Variants in ZBTB20 observed in about 807,000 individuals in gnomAD.
ZBTB20 encodes the protein zinc finger and BTB domain containing 20, also known as zinc finger and BTB domain-containing protein 20.
A neutral mutation model predicts 56.9 loss-of-function variants in ZBTB20; 9 were observed. That is an observed-to-expected ratio of 0.16 (90% CI 0.10 to 0.28). The LOEUF is 0.28. Among genes scored for constraint, ZBTB20 ranks in the 10% least tolerant of loss-of-function variants. The pLI is 1.00. For missense variants in ZBTB20, 655 were observed against 1,003.0 expected (o/e 0.65, Z 4.69); for synonymous variants, 417 against 420.7 (o/e 0.99, Z 0.11).
rs1014284083 is a variant in ZBTB20, at chr3:114,325,156, A to G, written c.*13849T>C. 4.6e-5 allele frequency: 7 copies of G among 152,152 alleles called. No homozygotes were observed. Among genetic ancestry groups the G allele is most frequent in the Non-Finnish European group, 1.0e-4 (7 of 68,024 alleles). The allele number at this position is 152,152 out of a possible 1,614,324, so 9.4% of individuals were successfully genotyped here. A position where few individuals can be genotyped will look rare whatever the true frequency, so the allele number is the denominator to read the frequency against. Reference sequence around the variant, plus strand: ...AACAATTTTAATTAGATATATGCAAATTACCCTTAATTTATATCTCAATAG... The same window carrying G: ...AACAATTTTAATTAGATATATGCAAGTTACCCTTAATTTATATCTCAATAG... On this transcript the variant is annotated 3_prime_UTR_variant, in exon 12 of 12. Transcript: ENST00000675478.
At position 114,707,189 on chromosome 3, in the gene ZBTB20, A is replaced by G. The variant is rs533843847; in HGVS notation, c.-342-13614T>C. Among the ~76,000 whole-genome samples the G allele has an allele frequency of 4.2e-4, 64 of 152,296 alleles. 1 individual carries two copies. The highest frequency in any genetic ancestry group is 6.5e-4 in the Non-Finnish European group (44 of 68,016). The stretch of plus-strand genomic sequence containing the variant: ...TAAATGGCTTGTTTACATTTTTGCT[A>G]TATGTCATTTATAATGCATTTTCTA... On this transcript the variant is annotated intron_variant, in intron 5 of 11. Coordinates refer to ENST00000675478, the MANE Select transcript of ZBTB20 (RefSeq NM_001348800.3).
At position 114,967,272 on chromosome 3, in the gene ZBTB20, C is replaced by T. The variant is rs545486669; in HGVS notation, c.-456+7094G>A. Among the ~76,000 whole-genome samples the T allele has an allele frequency of 9.9e-5, 15 of 152,040 alleles. No homozygotes were observed. The East Asian group carries it at 2.9e-3, about 29-fold the overall frequency. On this transcript the variant is annotated intron_variant, in intron 3 of 11. Transcript: ENST00000675478. Reference sequence around the variant, plus strand: ...GATTTTATTAAATAGCAGCAGAAAACGTTATACTTGGTGTTATTTTCAGCT... The same window carrying T: ...GATTTTATTAAATAGCAGCAGAAAATGTTATACTTGGTGTTATTTTCAGCT...
At chr3:114,894,028 GACAACA>G (rs756971962) in intron 4 of ZBTB20, among the ~76,000 whole-genome samples, 3 of 151,990 alleles carry the variant, frequency 2.0e-5, no homozygotes, top group African/African-American at 4.8e-5. Context: ...AAGTCCTAAT[GACAACA>G]ACAACAACAA....
chr3:114,388,021 C>A (rs2085371519), intron 8 of ZBTB20: 1 of 152,146 alleles, frequency 6.6e-6, no homozygotes, highest in Non-Finnish European at 1.5e-5. Flanking sequence ...TTGATTTATA[C>A]CAGAATAGCT....
chr3:114,557,334 AG>A (rs923557294), intron 6 of ZBTB20, among the ~76,000 whole-genome samples: 1 of 152,018 alleles, frequency 6.6e-6, no homozygotes, highest in African/African-American at 2.4e-5. Context: ...GGATAACAGA[AG>A]GGTCAGAAAT....
intron 4 of ZBTB20, among the ~76,000 whole-genome samples, chr3:114,872,287 C>T (rs544145513): frequency 2.6e-5 from 4 of 152,050 alleles, no homozygotes; most frequent in Non-Finnish European, 5.9e-5. Flanking sequence ...AAGAGGTTTC[C>T]AGTACACTAG....
At chr3:115,020,613 T>C (rs866300882) in intron 2 of ZBTB20, among the ~76,000 whole-genome samples, 4 of 151,178 alleles carry the variant, frequency 2.6e-5, no homozygotes, top group Middle Eastern at 3.4e-3. Context: ...TTGAGGATGA[T>C]AAAAGATAAA....
chr3:114,490,329 C>A (rs2042599151), intron 7 of ZBTB20, among the ~76,000 whole-genome samples: 1 of 152,018 alleles, frequency 6.6e-6, no homozygotes, highest in Non-Finnish European at 1.5e-5. Flanking sequence ...TCAAGAGATT[C>A]TCCTGCCTCA....
chr3:115,026,936 G>A (rs2080450482), intron 2 of ZBTB20, among the ~76,000 whole-genome samples: 1 of 150,540 alleles, frequency 6.6e-6, no homozygotes, highest in African/African-American at 2.4e-5. Context: ...AAATAAACTT[G>A]TCATCAGAAG....
intron 6 of ZBTB20, among the ~76,000 whole-genome samples, chr3:114,503,656 C>A (rs2044263393): frequency 6.6e-6 from 1 of 151,378 alleles, no homozygotes. Flanking sequence ...ATATATCTAG[C>A]AAAGAGTATA....
At chr3:115,091,948 C>T (rs1232770323) in intron 1 of ZBTB20, among the ~76,000 whole-genome samples, 1 of 152,038 alleles carries the variant, frequency 6.6e-6, no homozygotes, top group African/African-American at 2.4e-5. Flanking sequence ...TATAAAATTG[C>T]TGTGGGAATG....
At chr3:114,471,585 T>A (rs1212127360) in intron 7 of ZBTB20, among the ~76,000 whole-genome samples, 1 of 152,178 alleles carries the variant, frequency 6.6e-6, no homozygotes, top group Non-Finnish European at 1.5e-5. Flanking sequence ...ACATTGAAAG[T>A]ACAGCTACAT....
At chr3:114,771,176 T>G (rs1371643302) in intron 5 of ZBTB20, among the ~76,000 whole-genome samples, 1 of 152,058 alleles carries the variant, frequency 6.6e-6, no homozygotes, top group Admixed American at 6.5e-5. Context: ...TTTGTTAAAG[T>G]GCAAATAAAT....
intron 2 of ZBTB20, among the ~76,000 whole-genome samples, chr3:115,012,410 G>C (rs1458875484): frequency 6.6e-6 from 1 of 151,730 alleles, no homozygotes; most frequent in African/African-American, 2.4e-5. Flanking sequence ...AAAAGAGCAG[G>C]AGTTGCTACA....
chr3:114,839,731 A>G (rs1035253079), intron 4 of ZBTB20, among the ~76,000 whole-genome samples: 4 of 152,222 alleles, frequency 2.6e-5, no homozygotes, highest in African/African-American at 9.6e-5. Flanking sequence ...CGTAAATCCA[A>G]TAACATTTTC....
chr3:115,038,511 C>T (rs1003669855), intron 2 of ZBTB20, among the ~76,000 whole-genome samples: 8 of 152,012 alleles, frequency 5.3e-5, no homozygotes, highest in African/African-American at 1.9e-4. Flanking sequence ...GCAGTAAATA[C>T]TCAAAAAAAT....
chr3:114,806,124 T>C (rs1416644298), intron 4 of ZBTB20, among the ~76,000 whole-genome samples: 1 of 151,834 alleles, frequency 6.6e-6, no homozygotes, highest in Non-Finnish European at 1.5e-5. Context: ...AAAGTGGTAT[T>C]GCTGGATCAT....
intron 1 of ZBTB20, among the ~76,000 whole-genome samples, chr3:115,080,144 T>TG (rs2082745537): frequency 1.3e-5 from 2 of 152,190 alleles, no homozygotes; most frequent in South Asian, 4.1e-4. Context: ...AGTACTCTTA[T>TG]AAAAGAGACC....
chr3:115,103,561 A>G (rs539641713), intron 1 of ZBTB20, among the ~76,000 whole-genome samples: 1 of 152,336 alleles, frequency 6.6e-6, no homozygotes, highest in South Asian at 2.1e-4. Context: ...TGTATAGTCA[A>G]CTGATCTTTG....
Sources: gnomAD v4.1 joint callset for allele counts (sites outside exome capture counted in the v4.1 genomes callset) on GRCh38, gnomAD v4.1.1 for gene constraint, MANE v1.5 for transcripts, NCBI Gene and HGNC (gene_info 2026-07-23, HGNC 2026-07-21) for gene names.